FAM20C: variants seen among roughly 807,000 people sequenced by gnomAD.
The protein encoded by FAM20C is extracellular serine/threonine protein kinase FAM20C.
FAM20C carries 40 observed loss-of-function variants against 51.5 expected under a neutral mutation model. The ratio of observed to expected loss-of-function variants is 0.78; its 90% CI spans 0.60 to 1.01. The LOEUF (loss-of-function observed/expected upper bound fraction) is 1.01, where lower values mean the gene tolerates loss of function less well. Among genes scored for constraint, FAM20C ranks in the 50% least tolerant of loss-of-function variants. FAM20C has a pLI of 0.00. For missense variants in FAM20C, 861 were observed against 844.7 expected (o/e 1.02, Z -0.24); for synonymous variants, 406 against 380.6 (o/e 1.07, Z -0.78).
intron 3 of FAM20C, among the ~76,000 whole-genome samples, chr7:218,380 C>T (rs1188327220): frequency 1.3e-5 from 2 of 152,236 alleles, no homozygotes; most frequent in East Asian, 1.9e-4. Flanking sequence ...CGTCCAGTGC[C>T]GCGCTGCGTG....
intron 3 of FAM20C, among the ~76,000 whole-genome samples, chr7:243,821 C>A (rs947922977): frequency 6.6e-6 from 1 of 152,048 alleles, no homozygotes; most frequent in Non-Finnish European, 1.5e-5. Context: ...AGTTTCCTAG[C>A]GGCTTTATCA....
chr7:220,440 G>A (rs1019408639), intron 3 of FAM20C, among the ~76,000 whole-genome samples: 7 of 152,004 alleles, frequency 4.6e-5, no homozygotes, highest in Admixed American at 2.0e-4. Context: ...GAACAAATAC[G>A]CAGGAACGTT....
rs1158807272 is a variant in FAM20C, at chr7:193,538, G to T, written c.339G>T (p.Ala113=). 3 of 1,493,926 alleles carry T rather than the reference G, an allele frequency of 2.0e-6. No homozygotes were observed. Among genetic ancestry groups the T allele is most frequent in the Non-Finnish European group, 2.7e-6 (3 of 1,118,526 alleles). 92.5% of individuals were successfully genotyped at this position (1,493,926 alleles called of 1,614,324 possible). Residue 113 remains alanine (A), a synonymous_variant, in exon 1 of 10, where the codon GCG becomes GCT. Transcript: ENST00000313766. Reference sequence around the variant, plus strand: ...ACTCGCTGGAGAAACTGCCGCCCGCGGCCGAGCCGGCCGAGCGCGCCTTGC... The same window carrying T: ...ACTCGCTGGAGAAACTGCCGCCCGCTGCCGAGCCGGCCGAGCGCGCCTTGC... ...SSHSLEKLPP[A]AEPAERALRG...
At chr7:228,885 G>A (rs1787549291) in intron 3 of FAM20C, 1 of 443,058 alleles carries the variant, frequency 2.3e-6, no homozygotes. Flanking sequence ...CCCACGCTGG[G>A]GATTCCTCCT....
At chr7:244,263 C>T (rs1788061463) in intron 3 of FAM20C, among the ~76,000 whole-genome samples, 1 of 152,104 alleles carries the variant, frequency 6.6e-6, no homozygotes, top group African/African-American at 2.4e-5. Flanking sequence ...CTTTTTCCAG[C>T]TGAAAGTTAC....
chr7:245,383 G>A (rs1337061139), intron 3 of FAM20C, among the ~76,000 whole-genome samples: 8 of 152,200 alleles, frequency 5.3e-5, no homozygotes, highest in Non-Finnish European at 1.2e-4. Context: ...CCCTCCCTGG[G>A]CCTGGCATGG....
At chr7:193,933 G>C in intron 1 of FAM20C, 129 bp downstream of exon 1, 1 of 1,340,594 alleles carries the variant, frequency 7.5e-7, no homozygotes, top group Non-Finnish European at 9.7e-7. Flanking sequence ...GGTGCGGGAG[G>C]AGGCAGCCGC....
chr7:237,693 T>A (rs1787888219), intron 3 of FAM20C, among the ~76,000 whole-genome samples: 1 of 144,986 alleles, frequency 6.9e-6, no homozygotes, highest in Admixed American at 6.9e-5. Context: ...ATGGGAGAGC[T>A]AATGGTGATA....
At chr7:199,046 C>A (rs1381341478) in intron 2 of FAM20C, among the ~76,000 whole-genome samples, 1 of 152,234 alleles carries the variant, frequency 6.6e-6, no homozygotes, top group Non-Finnish European at 1.5e-5. Context: ...ATGTCCAGGT[C>A]CAGGTCTCCT....
At chr7:230,017 C>A (rs1787597256) in intron 3 of FAM20C, among the ~76,000 whole-genome samples, 1 of 152,124 alleles carries the variant, frequency 6.6e-6, no homozygotes, top group African/African-American at 2.4e-5. Flanking sequence ...CCAGCTTCCG[C>A]TTCCGCGACC....
intron 2 of FAM20C, among the ~76,000 whole-genome samples, chr7:199,446 T>C (rs1249810643): frequency 6.6e-6 from 1 of 152,232 alleles, no homozygotes; most frequent in East Asian, 1.9e-4. Flanking sequence ...ACCTGCGTGC[T>C]CCAGGCTCTG....
chr7:209,478 G>A (rs1786600535), intron 3 of FAM20C, among the ~76,000 whole-genome samples: 1 of 152,212 alleles, frequency 6.6e-6, no homozygotes, highest in African/African-American at 2.4e-5. Context: ...GTTCTAATAA[G>A]TCTTCATTTA....
At chr7:220,461 G>C (rs987284572) in intron 3 of FAM20C, among the ~76,000 whole-genome samples, 4 of 152,208 alleles carry the variant, frequency 2.6e-5, no homozygotes, top group African/African-American at 9.7e-5. Context: ...TCAGAGAGGG[G>C]TGATGCGTGG....
chr7:215,258 G>T (rs562511201), intron 3 of FAM20C, among the ~76,000 whole-genome samples: 1 of 116,658 alleles, frequency 8.6e-6, no homozygotes, highest in East Asian at 2.4e-4. Flanking sequence ...CTGGTGTATG[G>T]AGAGGATGGA....
rs1583267972 is a variant in FAM20C, at chr7:192,646, C to T, written c.-554C>T. Among the ~76,000 whole-genome samples, 1 of 149,894 alleles carries T rather than the reference C, an allele frequency of 6.7e-6. No individual in the cohort carries two copies. Among genetic ancestry groups the T allele is most frequent in the Admixed American group, 6.6e-5 (1 of 15,100 alleles). On this transcript the variant is annotated 5_prime_UTR_variant, in exon 1 of 10. Coordinates refer to ENST00000313766, the MANE Select transcript of FAM20C (RefSeq NM_020223.4). ...CCGGGACCCCGCCGGCCGCTCCCCG[C>T]GCCCACCCCTTCCGCCCTTCGCCCC...
At chr7:256,180 C>T (rs1788583206) in intron 6 of FAM20C, 151 bp downstream of exon 6, 4 of 1,011,582 alleles carry the variant, frequency 4.0e-6, no homozygotes, top group Non-Finnish European at 5.6e-6. Flanking sequence ...ATGACCGCTT[C>T]CTGATGAGAC....
chr7:233,558 C>T (rs1044148567), intron 3 of FAM20C, among the ~76,000 whole-genome samples: 5 of 152,274 alleles, frequency 3.3e-5, no homozygotes, highest in South Asian at 2.1e-4. Flanking sequence ...AGGGAGGAGC[C>T]GTGTCCTGGC....
At chr7:249,425 T>C (rs958041524) in intron 5 of FAM20C, among the ~76,000 whole-genome samples, 3 of 152,262 alleles carry the variant, frequency 2.0e-5, no homozygotes, top group Non-Finnish European at 4.4e-5. Flanking sequence ...TTCTACTTAA[T>C]TATCTACCCA....
chr7:220,487 G>T lies in FAM20C; in HGVS notation c.863+11511G>T, dbSNP rs78938912. Among the ~76,000 whole-genome samples, 29 of 152,328 alleles carry T rather than the reference G, an allele frequency of 1.9e-4. No homozygotes were observed. In the East Asian group the frequency reaches 5.6e-3, roughly 29 times the overall value. On this transcript the variant is annotated intron_variant, in intron 3 of 9. Transcript: ENST00000313766. The stretch of plus-strand genomic sequence containing the variant: ...TGATGCGTGGAGGGACTGAAACGAA[G>T]GAGCATGGCAGAGACGGGCTTGGTG...
Sources: allele counts gnomAD v4.1 joint callset (sites outside exome capture counted in the v4.1 genomes callset), GRCh38; gene constraint gnomAD v4.1.1; transcripts MANE v1.5; gene names NCBI Gene and HGNC (gene_info 2026-07-23, HGNC 2026-07-21).